The following PFKFB3 variants were observed in gnomAD, a reference collection of about 807,000 sequenced individuals.
PFKFB3 encodes the protein 6-phosphofructo-2-kinase/fructose-2,6-biphosphatase 3, also known as 6-phosphofructo-2-kinase/fructose-2,6-bisphosphatase 3.
A neutral mutation model predicts 68.0 loss-of-function variants in PFKFB3; 33 were observed. The ratio of observed to expected loss-of-function variants is 0.49; its 90% CI spans 0.37 to 0.65. The LOEUF is 0.65. PFKFB3 is among the 30% of genes least tolerant of loss of function. PFKFB3 has a pLI of 0.00. For missense variants in PFKFB3, 586 were observed against 712.2 expected, an observed-to-expected ratio of 0.82 and a Z score of 2.02; for synonymous variants, 315 against 288.2, an observed-to-expected ratio of 1.09 and a Z score of -0.94.
chr10:6,311,055 A>T, the PFKFB3 span, among the ~76,000 whole-genome samples: 3 of 152,216 alleles, frequency 2.0e-5, no homozygotes, highest in Non-Finnish European at 2.9e-5. Context: ...TGAAATTAAG[A>T]TTCAAAAAAA....
intron 1 of PFKFB3, among the ~76,000 whole-genome samples, chr10:6,182,253 A>G (rs1264312764): frequency 6.6e-6 from 1 of 151,368 alleles, no homozygotes; most frequent in Admixed American, 6.6e-5. Context: ...TCTCTCTTGC[A>G]TATGCATCCC....
chr10:6,213,043 T>C (rs1844333193), intron 1 of PFKFB3, among the ~76,000 whole-genome samples: 1 of 152,126 alleles, frequency 6.6e-6, no homozygotes. Flanking sequence ...TTCACTGTGG[T>C]GTCAGTCACT....
In PFKFB3 at chr10:6,228,223, G is replaced by T. The variant is rs1845486378; in HGVS notation, c.1515+1858G>T. 1 of 1,612,596 alleles carries T rather than the reference G, an allele frequency of 6.2e-7. No homozygotes were observed. The highest frequency in any genetic ancestry group is 1.7e-5 in the Admixed American group (1 of 60,000). The stretch of plus-strand genomic sequence containing the variant: ...TTTGCTAGGGCAAGCCTGTCTGTAA[G>T]TATCTCTCCGATCATCGCTGCTGCT... On this transcript the variant is annotated intron_variant, in intron 14 of 14. Transcript: ENST00000379775. The surrounding 1 kb of genome is among the most constrained non-coding windows in gnomAD (Gnocchi z 4.5).
chr10:6,226,902 A>G (rs890519156), intron 14 of PFKFB3, among the ~76,000 whole-genome samples: 11 of 152,198 alleles, frequency 7.2e-5, no homozygotes, highest in Non-Finnish European at 8.8e-5. Flanking sequence ...CCTGGCCAAC[A>G]TGGCGAAACC....
chr10:6,192,366 C>CTTT (rs149846128), intron 1 of PFKFB3, among the ~76,000 whole-genome samples: 1 of 113,068 alleles, frequency 8.8e-6, no homozygotes, highest in African/African-American at 3.4e-5. Context: ...TTTCTTTCTT[C>CTTT]TTTTTTTTTT....
chr10:6,199,136 G>A (rs1243723103), upstream of PFKFB3, among the ~76,000 whole-genome samples: 1 of 152,154 alleles, frequency 6.6e-6, no homozygotes, highest in African/African-American at 2.4e-5. Context: ...CCTCATACAT[G>A]GGATTTTTCT....
intron 1 of PFKFB3, among the ~76,000 whole-genome samples, chr10:6,147,482 G>A (rs2131667649): frequency 6.6e-6 from 1 of 152,286 alleles, no homozygotes; most frequent in East Asian, 1.9e-4. Flanking sequence ...GGCCCAGCGG[G>A]TACCAGGCAA....
At chr10:6,213,963 A>C in intron 2 of PFKFB3, among the ~76,000 whole-genome samples, 5 of 130,014 alleles carry the variant, frequency 3.8e-5, no homozygotes, top group African/African-American at 1.1e-4. Flanking sequence ...TCTCTTTCCC[A>C]CTCCTCTAAG....
intron 1 of PFKFB3, among the ~76,000 whole-genome samples, chr10:6,160,273 T>C (rs1841933392): frequency 6.6e-6 from 1 of 152,170 alleles, no homozygotes; most frequent in African/African-American, 2.4e-5. Flanking sequence ...CATAGTTGTC[T>C]GTTATATTAA....
the PFKFB3 span, among the ~76,000 whole-genome samples, chr10:6,296,222 CTT>C: frequency 7.0e-6 from 1 of 141,954 alleles, no homozygotes; most frequent in Admixed American, 7.0e-5. Flanking sequence ...CTTTTCTTTT[CTT>C]TTTTTTTTTA....
the PFKFB3 span, among the ~76,000 whole-genome samples, chr10:6,290,112 A>T: frequency 6.6e-6 from 1 of 152,146 alleles, no homozygotes; most frequent in Non-Finnish European, 1.5e-5. Context: ...GGGCTGAGAC[A>T]GTGGGGGTTT....
At chr10:6,318,246 G>A in the PFKFB3 span, among the ~76,000 whole-genome samples, 3 of 152,182 alleles carry the variant, frequency 2.0e-5, no homozygotes, top group Admixed American at 6.5e-5. Context: ...TCCTTCTCAA[G>A]CTGCCCCTGG....
intron 1 of PFKFB3, 44 bp from the exon 2 acceptor site, chr10:6,213,574 TTCTCC>T: frequency 6.3e-7 from 1 of 1,582,194 alleles, no homozygotes; most frequent in Non-Finnish European, 8.6e-7. Context: ...TCTGCTCCTC[TTCTCC>T]GGTCACTTGG....
intron 14 of PFKFB3, among the ~76,000 whole-genome samples, chr10:6,249,966 C>T (rs1846345430): frequency 6.6e-6 from 1 of 152,022 alleles, no homozygotes; most frequent in Non-Finnish European, 1.5e-5. Context: ...TATTATTTGC[C>T]AATTTACAAT....
intron 1 of PFKFB3, among the ~76,000 whole-genome samples, chr10:6,167,338 GTGTC>G (rs1842174895): frequency 6.6e-6 from 1 of 152,242 alleles, no homozygotes; most frequent in South Asian, 2.1e-4. Context: ...GCGGTCCTCA[GTGTC>G]TGTCTGATAC....
At chr10:6,203,676 G>A (rs1337049835) in intron 1 of PFKFB3, among the ~76,000 whole-genome samples, 1 of 151,762 alleles carries the variant, frequency 6.6e-6, no homozygotes, top group Admixed American at 6.6e-5. Context: ...GGCCGTCGCC[G>A]GAGCGCAGCC....
chr10:6,239,154 T>C (rs996164037), downstream of PFKFB3, among the ~76,000 whole-genome samples: 2 of 152,000 alleles, frequency 1.3e-5, no homozygotes, highest in Non-Finnish European at 2.9e-5. Flanking sequence ...CTGGGGAAGA[T>C]GAAATATGAA....
chr10:6,226,165 T>C (rs1224384613), intron 13 of PFKFB3, 27 bp from the exon 14 acceptor site: 1 of 1,533,380 alleles, frequency 6.5e-7, no homozygotes, highest in African/African-American at 1.4e-5. Context: ...CTGTCGCCTT[T>C]CTCTCTTTTG....
intron 1 of PFKFB3, among the ~76,000 whole-genome samples, chr10:6,204,622 G>A (rs562187825): frequency 5.4e-4 from 83 of 152,350 alleles, no homozygotes; most frequent in African/African-American, 2.0e-3. Flanking sequence ...CCCCCTCTTT[G>A]TGAGGTAGCC....
Sources: gnomAD v4.1 joint callset for allele counts (sites outside exome capture counted in the v4.1 genomes callset) on GRCh38, gnomAD v4.1.1 for gene constraint, Gnocchi (gnomAD v3.1) non-coding constraint, MANE v1.5 for transcripts, NCBI Gene and HGNC (gene_info 2026-07-23, HGNC 2026-07-21) for gene names.